Variants in PTPRQ observed in about 807,000 individuals in gnomAD.
PTPRQ encodes protein tyrosine phosphatase receptor type Q, also known as phosphatidylinositol phosphatase PTPRQ.
Under a neutral mutation model 246.0 loss-of-function variants are expected in PTPRQ, and 199 were observed. The observed-to-expected ratio is 0.81, with a 90% CI of 0.72 to 0.91. The LOEUF (loss-of-function observed/expected upper bound fraction) is 0.91, where lower values mean the gene tolerates loss of function less well. Among genes scored for constraint, PTPRQ ranks in the 40% least tolerant of loss-of-function variants. The probability of loss-of-function intolerance (pLI) is 0.00; values close to 1 mark genes in which losing one functional copy is unlikely to be tolerated. For missense variants in PTPRQ, 2,624 were observed against 2,528.4 expected (o/e 1.04, Z -0.81); for synonymous variants, 869 against 853.2 (o/e 1.02, Z -0.32).
At chr12:80,504,872 G>A (rs1316379554) in intron 14 of PTPRQ, among the ~76,000 whole-genome samples, 1 of 151,788 alleles carries the variant, frequency 6.6e-6, no homozygotes, top group Non-Finnish European at 1.5e-5. Context: ...AGAGAAAGAA[G>A]GTTTCCTTTC....
At chr12:80,668,698 CT>C (rs1461985155) in intron 39 of PTPRQ, among the ~76,000 whole-genome samples, 1 of 151,886 alleles carries the variant, frequency 6.6e-6, no homozygotes, top group African/African-American at 2.4e-5. Flanking sequence ...GCTTAGCAAA[CT>C]GCTACAAAGA....
chr12:80,467,045 G>C (rs138021124), intron 6 of PTPRQ, among the ~76,000 whole-genome samples: 6,523 of 151,900 alleles, frequency 0.043, 461 homozygotes, highest in African/African-American at 0.15. Context: ...CATAGCAAAA[G>C]AAACTACCAT....
rs1483778459 is a variant in PTPRQ at position 80,502,572 on chromosome 12, C to G, written c.2273-3452C>G. Among the ~76,000 whole-genome samples, 3 of 151,790 alleles carry G rather than the reference C, an allele frequency of 2.0e-5. No homozygotes were observed. In the East Asian group the frequency reaches 5.8e-4, roughly 29 times the overall value. ...TTTTCCCAGGAAAGTAAAATAGAAA[C>G]AGAAGGACCTGATGGATATTGCTAG... On this transcript the variant is annotated intron_variant, in intron 14 of 44. Coordinates refer to ENST00000644991, the MANE Select transcript of PTPRQ (RefSeq NM_001145026.2).
In PTPRQ at chr12:80,520,534, C is replaced by T. The variant is rs543596327; in HGVS notation, c.2678+10091C>T. Among the ~76,000 whole-genome samples, 1,020 of 129,958 alleles carry T rather than the reference C, an allele frequency of 7.8e-3. 6 individuals are homozygous for T. Among genetic ancestry groups the T allele is most frequent in the Middle Eastern group, 0.024 (6 of 254 alleles). The allele number at this position is 129,958 out of a possible 152,430, so 85.3% of individuals were successfully genotyped here. ...CCTCCCCCCACCCCACAACAGGCCC[C>T]GGTGTGTGATGTTCCCCTTCCTGTG... On this transcript the variant is annotated intron_variant, in intron 17 of 44. Coordinates refer to ENST00000644991, the MANE Select transcript of PTPRQ (RefSeq NM_001145026.2).
intron 29 of PTPRQ, among the ~76,000 whole-genome samples, chr12:80,614,337 A>G (rs1056643162): frequency 6.6e-6 from 1 of 150,832 alleles, no homozygotes; most frequent in East Asian, 1.9e-4. Flanking sequence ...GAGTTCATAT[A>G]CATACACAGA....
chr12:80,547,169 A>G (rs1896332161), intron 24 of PTPRQ: 1 of 154,688 alleles, frequency 6.5e-6, no homozygotes, highest in Non-Finnish European at 1.4e-5. Flanking sequence ...CATCTTTACC[A>G]TGTGGCGGAC....
intron 25 of PTPRQ, among the ~76,000 whole-genome samples, chr12:80,578,172 A>C (rs1160324961): frequency 6.7e-6 from 1 of 149,170 alleles, no homozygotes; most frequent in African/African-American, 2.5e-5. Flanking sequence ...TGCACCCATT[A>C]ACTTGTCATT....
rs1893662473 is a variant in PTPRQ, at chr12:80,472,213, G to A, written c.1148G>A (p.Gly383Glu). ...YIAAETSAGTGPKSNISVFTP... is the reference protein window; with the variant it reads ...YIAAETSAGTEPKSNISVFTP... The stretch of plus-strand genomic sequence containing the variant: ...GCGGCTGAAACCAGTGCAGGGACTG[G>A]GCCCAAGTCAAATATTTCAGTATTC... Residue 383 changes from glycine to glutamate, a missense_variant, in exon 8 of 45, where the codon GGG becomes GAG. Physicochemically the swap from Gly to Glu is moderately conservative, Grantham distance 98. Transcript: ENST00000644991. 2 of 1,551,270 alleles carry A rather than the reference G, an allele frequency of 1.3e-6. No homozygotes were observed. Among genetic ancestry groups the A allele is most frequent in the Non-Finnish European group, 1.7e-6 (2 of 1,146,862 alleles).
intron 29 of PTPRQ, among the ~76,000 whole-genome samples, chr12:80,614,977 T>C (rs952634763): frequency 2.0e-5 from 3 of 150,960 alleles, no homozygotes; most frequent in Non-Finnish European, 4.5e-5. Context: ...CCTTAAAACC[T>C]TGAAGTTTGT....
intron 35 of PTPRQ, among the ~76,000 whole-genome samples, chr12:80,641,557 C>T (rs1899856203): frequency 6.6e-6 from 1 of 152,204 alleles, no homozygotes; most frequent in Admixed American, 6.5e-5. Flanking sequence ...GTTTTAACTT[C>T]AGATTAACTA....
intron 3 of PTPRQ, 31 bp downstream of exon 3, chr12:80,445,748 T>C (rs564939738): frequency 7.4e-7 from 1 of 1,345,652 alleles, no homozygotes; most frequent in African/African-American, 1.5e-5. Context: ...TACTTAGTGT[T>C]CAAACATTTC....
chr12:80,584,549 A>G (rs1897547454), intron 25 of PTPRQ, among the ~76,000 whole-genome samples: 1 of 152,106 alleles, frequency 6.6e-6, no homozygotes, highest in African/African-American at 2.4e-5. Flanking sequence ...CAAGCTATCT[A>G]TAGTTTCCTC....
chr12:80,604,915 C>T, intron 26 of PTPRQ, 144 bp from the exon 27 acceptor site: 1 of 865,712 alleles, frequency 1.2e-6, no homozygotes, highest in Non-Finnish European at 1.6e-6. Context: ...TTGGTAATGC[C>T]TTTAGCACTC....
Position 80,605,700 on chromosome 12 carries a change from G to A in PTPRQ, c.4731+520G>A, listed in dbSNP as rs143845768. Among the ~76,000 whole-genome samples the A allele has an allele frequency of 5.8e-3, 872 of 151,014 alleles. 20 individuals are homozygous for A. The highest frequency in any genetic ancestry group is 4.4e-3 in the South Asian group (21 of 4,814). On this transcript the variant is annotated intron_variant, in intron 27 of 44. Coordinates refer to ENST00000644991, the MANE Select transcript of PTPRQ (RefSeq NM_001145026.2). ...TGGGAATAGGGGTGTAAAAAAGTAA[G>A]CCTCATTCAAGAAAAATCAAGTCTT... is the stretch of plus-strand genomic sequence containing the variant.
At chr12:80,474,225 T>A (rs1893742210) in intron 8 of PTPRQ, among the ~76,000 whole-genome samples, 1 of 152,252 alleles carries the variant, frequency 6.6e-6, no homozygotes, top group Non-Finnish European at 1.5e-5. Flanking sequence ...TAATTTTATA[T>A]TATCCTTTTC....
At chr12:80,533,964 ATTG>A in intron 17 of PTPRQ, 48 bp from the exon 18 acceptor site, 1 of 1,334,154 alleles carries the variant, frequency 7.5e-7, no homozygotes, top group Non-Finnish European at 9.9e-7. Flanking sequence ...CTCAAAAAGT[ATTG>A]TTAACTTTTA....
chr12:80,504,376 T>C (rs1370167503), intron 14 of PTPRQ, among the ~76,000 whole-genome samples: 1 of 151,860 alleles, frequency 6.6e-6, no homozygotes, highest in African/African-American at 2.4e-5. Context: ...GGTTATTTAA[T>C]ATTATTTACC....
At chr12:80,618,200 A>G (rs943888278) in intron 30 of PTPRQ, among the ~76,000 whole-genome samples, 8 of 151,552 alleles carry the variant, frequency 5.3e-5, no homozygotes, top group African/African-American at 1.9e-4. Context: ...GTTGATAGTT[A>G]TCTTTGATAA....
At chr12:80,520,602 C>T (rs536848927) in intron 17 of PTPRQ, among the ~76,000 whole-genome samples, 2 of 147,658 alleles carry the variant, frequency 1.4e-5, no homozygotes, top group African/African-American at 5.0e-5. Flanking sequence ...TGAGTGAGAA[C>T]ATGCGGTGTT....
Sources: allele counts gnomAD v4.1 joint callset (sites outside exome capture counted in the v4.1 genomes callset), GRCh38; gene constraint gnomAD v4.1.1; transcripts MANE v1.5; gene names NCBI Gene and HGNC (gene_info 2026-07-23, HGNC 2026-07-21).